The following FGF14 variants were observed in gnomAD, a reference collection of about 807,000 sequenced individuals.
FGF14 encodes the protein fibroblast growth factor 14.
Under a neutral mutation model 25.5 loss-of-function variants are expected in FGF14, and 5 were observed. That is an observed-to-expected ratio of 0.20 (90% CI 0.10 to 0.41). FGF14 has a LOEUF of 0.41. FGF14 is among the 10% of genes least tolerant of loss of function. FGF14 has a pLI of 1.00. For missense variants in FGF14, 222 were observed against 320.1 expected, an observed-to-expected ratio of 0.69 and a Z score of 2.34; for synonymous variants, 138 against 118.3, an observed-to-expected ratio of 1.17 and a Z score of -1.08.
chr13:101,937,909 T>C (rs1830653), intron 1 of FGF14, among the ~76,000 whole-genome samples: 73,254 of 152,116 alleles, frequency 0.48, 21,793 homozygotes, highest in African/African-American at 0.82. Context: ...ATTTCTGTTA[T>C]TTAAGCCACC....
At chr13:102,199,334 C>T (rs1481042432) in intron 1 of FGF14, among the ~76,000 whole-genome samples, 7 of 152,140 alleles carry the variant, frequency 4.6e-5, no homozygotes, top group Admixed American at 4.6e-4. Flanking sequence ...TACCACTTTA[C>T]CTCTAATACT....
chr13:102,263,564 T>A (rs895099766), intron 1 of FGF14, among the ~76,000 whole-genome samples: 6 of 152,204 alleles, frequency 3.9e-5, no homozygotes, highest in African/African-American at 1.4e-4. Flanking sequence ...TATAAAAACA[T>A]ATACTTAGTT....
chr13:101,922,524 A>G (rs1418858035), intron 1 of FGF14, among the ~76,000 whole-genome samples: 2 of 152,086 alleles, frequency 1.3e-5, no homozygotes, highest in African/African-American at 4.8e-5. Context: ...TCATTTTCAG[A>G]TTGTTGATTG....
chr13:102,132,541 G>T (rs1328937691), intron 1 of FGF14, among the ~76,000 whole-genome samples: 2 of 148,548 alleles, frequency 1.3e-5, no homozygotes, highest in Admixed American at 1.3e-4. Flanking sequence ...GAGACAGAGT[G>T]CCCAGGCCTG....
At chr13:101,802,812 T>A (rs1341111374) in intron 3 of FGF14, among the ~76,000 whole-genome samples, 1 of 152,222 alleles carries the variant, frequency 6.6e-6, no homozygotes, top group Non-Finnish European at 1.5e-5. Flanking sequence ...TATTTGGCTA[T>A]GGGCTAGAAA....
chr13:102,198,727 C>A (rs1412641768), intron 1 of FGF14, among the ~76,000 whole-genome samples: 1 of 152,144 alleles, frequency 6.6e-6, no homozygotes, highest in Non-Finnish European at 1.5e-5. Context: ...GAGAGGAAAT[C>A]TGCCAAAGTT....
chr13:102,158,683 C>A (rs772149965), intron 1 of FGF14, among the ~76,000 whole-genome samples: 7 of 151,690 alleles, frequency 4.6e-5, no homozygotes, highest in Middle Eastern at 3.2e-3. Flanking sequence ...AAAAAAAAAT[C>A]TTTGAACTGA....
At chr13:101,841,274 T>G (rs1158727324) in intron 3 of FGF14, among the ~76,000 whole-genome samples, 2 of 151,964 alleles carry the variant, frequency 1.3e-5, no homozygotes, top group African/African-American at 2.4e-5. Flanking sequence ...AAACATGGCA[T>G]AAGGGGATAG....
intron 1 of FGF14, among the ~76,000 whole-genome samples, chr13:102,176,191 G>A (rs550316002): frequency 2.6e-5 from 4 of 152,022 alleles, no homozygotes; most frequent in Non-Finnish European, 5.9e-5. Flanking sequence ...TGGTCTATTG[G>A]GTAAAGAAAA....
At chr13:102,312,303 A>C (rs1010404602) in intron 1 of FGF14, among the ~76,000 whole-genome samples, 4 of 151,710 alleles carry the variant, frequency 2.6e-5, no homozygotes, top group African/African-American at 9.7e-5. Context: ...GAGAGAGCTT[A>C]TATTAGCAAC....
chr13:102,353,955 G>A (rs2057358217), intron 1 of FGF14, among the ~76,000 whole-genome samples: 1 of 152,094 alleles, frequency 6.6e-6, no homozygotes, highest in Admixed American at 6.5e-5. Context: ...CATTCACCAT[G>A]TCTGTTGTAT....
intron 2 of FGF14, among the ~76,000 whole-genome samples, chr13:101,871,730 C>A (rs1257697132): frequency 6.6e-6 from 1 of 152,022 alleles, no homozygotes; most frequent in Non-Finnish European, 1.5e-5. Flanking sequence ...TACCGTAGTT[C>A]ATGGGGATGC....
intron 3 of FGF14, among the ~76,000 whole-genome samples, chr13:101,840,699 G>A (rs913679205): frequency 2.0e-5 from 3 of 151,966 alleles, no homozygotes; most frequent in African/African-American, 7.2e-5. Flanking sequence ...CAACCAAATT[G>A]TTGCAACACA....
At chr13:101,741,060 C>G (rs1260293914) in intron 3 of FGF14, among the ~76,000 whole-genome samples, 1 of 152,154 alleles carries the variant, frequency 6.6e-6, no homozygotes, top group African/African-American at 2.4e-5. Context: ...TGATAGACTT[C>G]CCAGTTGGAG....
chr13:102,161,904 A>T lies in FGF14; in HGVS notation c.208+239567T>A, dbSNP rs531370710. Among the ~76,000 whole-genome samples the T allele has an allele frequency of 5.3e-5, 8 of 151,538 alleles. No individual in the cohort carries two copies. In the South Asian group the frequency reaches 1.2e-3, roughly 24 times the overall value. On this transcript the variant is annotated intron_variant, in intron 1 of 4. Transcript: ENST00000376131. ...TGGACCTAAATTTAATCTCTTTATCAAGGAAAATTATAACTGTTTTCTTTT... is the reference window on the plus strand; with the variant it reads ...TGGACCTAAATTTAATCTCTTTATCTAGGAAAATTATAACTGTTTTCTTTT...
At chr13:102,112,645 G>T (rs1002321153) in intron 1 of FGF14, among the ~76,000 whole-genome samples, 1 of 152,180 alleles carries the variant, frequency 6.6e-6, no homozygotes, top group Non-Finnish European at 1.5e-5. Flanking sequence ...GGCATGATAT[G>T]ATTAAATAGT....
intron 1 of FGF14, among the ~76,000 whole-genome samples, chr13:102,182,035 G>A (rs1359543371): frequency 3.9e-5 from 6 of 152,030 alleles, no homozygotes; most frequent in Non-Finnish European, 8.8e-5. Context: ...CCATTTTGTG[G>A]TACTTTGTTA....
At chr13:102,043,213 C>T (rs2041825410) in intron 1 of FGF14, among the ~76,000 whole-genome samples, 1 of 152,160 alleles carries the variant, frequency 6.6e-6, no homozygotes, top group Admixed American at 6.5e-5. Context: ...GATATTGACT[C>T]CTTTATTAAA....
chr13:101,787,462 T>A (rs1054070225), intron 3 of FGF14, among the ~76,000 whole-genome samples: 1 of 152,196 alleles, frequency 6.6e-6, no homozygotes, highest in African/African-American at 2.4e-5. Flanking sequence ...TTATACTGTA[T>A]TTTAAATCTA....
Sources: gnomAD v4.1 joint callset for allele counts (sites outside exome capture counted in the v4.1 genomes callset) on GRCh38, gnomAD v4.1.1 for gene constraint, MANE v1.5 for transcripts, NCBI Gene and HGNC (gene_info 2026-07-23, HGNC 2026-07-21) for gene names.